MLLT3: variants seen among roughly 807,000 people sequenced by gnomAD.
MLLT3 encodes the protein MLLT3 super elongation complex subunit.
Under a neutral mutation model 53.2 loss-of-function variants are expected in MLLT3, and 4 were observed. That is an observed-to-expected ratio of 0.08 (90% CI 0.04 to 0.17). The LOEUF (loss-of-function observed/expected upper bound fraction) is 0.17. Among genes scored for constraint, MLLT3 ranks in the 10% least tolerant of loss-of-function variants. The pLI is 1.00. For synonymous variants in MLLT3, 283 were observed against 230.6 expected (o/e 1.23, Z -2.06); for missense variants, 569 against 684.0 (o/e 0.83, Z 1.87).
At chr9:20,352,889 G>A (rs1017515659) in intron 10 of MLLT3, among the ~76,000 whole-genome samples, 3 of 151,862 alleles carry the variant, frequency 2.0e-5, no homozygotes, top group African/African-American at 7.3e-5. Flanking sequence ...ATTACCAATA[G>A]CTGCTGGTAG....
intron 10 of MLLT3, among the ~76,000 whole-genome samples, chr9:20,350,636 G>C (rs1385288672): frequency 6.6e-6 from 1 of 151,964 alleles, no homozygotes; most frequent in Non-Finnish European, 1.5e-5. Flanking sequence ...GGTACATATG[G>C]GTAGTGGAAA....
At chr9:20,485,730 A>G (rs2118912919) in intron 2 of MLLT3, among the ~76,000 whole-genome samples, 1 of 104,730 alleles carries the variant, frequency 9.5e-6, no homozygotes, top group South Asian at 3.6e-4. Context: ...GAATATACAC[A>G]TACACATATA....
rs1820974823 is a variant in MLLT3, at chr9:20,620,570, G to A, written c.193+84C>T. ...GCCGGCGAGCGCGGCGCGGGGGGCG[G>A]GGAGCGGGACAGCGGGACCGCCCGG... On this transcript the variant is annotated intron_variant, in intron 2 of 10. Coordinates refer to ENST00000380338, the MANE Select transcript of MLLT3 (RefSeq NM_004529.4). This position sits in a 1 kb window ranked among gnomAD's most constrained non-coding sequence, Gnocchi z 6.1. The A allele has an allele frequency of 4.0e-6, 5 of 1,238,184 alleles. No homozygotes were observed. Among genetic ancestry groups the A allele is most frequent in the Non-Finnish European group, 2.1e-6 (2 of 933,834 alleles). The allele number at this position is 1,238,184 out of a possible 1,614,324, so 76.7% of individuals were successfully genotyped here.
At chr9:20,542,090 T>C (rs756639707) in intron 2 of MLLT3, among the ~76,000 whole-genome samples, 8 of 152,226 alleles carry the variant, frequency 5.3e-5, no homozygotes, top group Non-Finnish European at 8.8e-5. Context: ...ATTTCTTATA[T>C]AATAGTAAGT....
chr9:20,434,650 A>T (rs1331835317), intron 4 of MLLT3, among the ~76,000 whole-genome samples: 1 of 152,204 alleles, frequency 6.6e-6, no homozygotes, highest in Non-Finnish European at 1.5e-5. Flanking sequence ...AGGCTTCCTT[A>T]TACAAATTAG....
chr9:20,512,884 A>G (rs1451479802), intron 2 of MLLT3, among the ~76,000 whole-genome samples: 1 of 152,202 alleles, frequency 6.6e-6, no homozygotes, highest in East Asian at 1.9e-4. Context: ...GGCATTGCCC[A>G]TTTTGCAACA....
intron 4 of MLLT3, among the ~76,000 whole-genome samples, chr9:20,440,144 G>A (rs866615050): frequency 2.0e-5 from 3 of 152,212 alleles, no homozygotes; most frequent in South Asian, 2.1e-4. Context: ...AATCTCAAAT[G>A]GGAGAAAGGA....
At chr9:20,534,864 G>A (rs1335007043) in intron 2 of MLLT3, among the ~76,000 whole-genome samples, 2 of 151,260 alleles carry the variant, frequency 1.3e-5, no homozygotes, top group Non-Finnish European at 1.5e-5. Flanking sequence ...CTAGCCTGGG[G>A]GACAGGGCAA....
At chr9:20,403,915 C>T (rs1451581072) in intron 5 of MLLT3, among the ~76,000 whole-genome samples, 1 of 152,020 alleles carries the variant, frequency 6.6e-6, no homozygotes, top group Non-Finnish European at 1.5e-5. Context: ...ACTTACTGGG[C>T]TCAGATGATT....
intron 5 of MLLT3, among the ~76,000 whole-genome samples, chr9:20,408,332 TA>T (rs1822637449): frequency 6.6e-6 from 1 of 151,616 alleles, no homozygotes; most frequent in Admixed American, 6.6e-5. Context: ...TATGGATGAA[TA>T]AATGAACAGC....
At chr9:20,415,182 T>C (rs897316844) in intron 4 of MLLT3, among the ~76,000 whole-genome samples, 7 of 152,124 alleles carry the variant, frequency 4.6e-5, no homozygotes, top group African/African-American at 1.7e-4. Context: ...CTGTATAAAA[T>C]TTCATCAGTT....
intron 2 of MLLT3, among the ~76,000 whole-genome samples, chr9:20,512,766 C>A (rs564382724): frequency 1.3e-5 from 2 of 152,226 alleles, no homozygotes; most frequent in South Asian, 4.1e-4. Context: ...ACCATCACCA[C>A]AACTGCTTCT....
At chr9:20,486,967 C>G (rs1014240924) in intron 2 of MLLT3, among the ~76,000 whole-genome samples, 22 of 152,226 alleles carry the variant, frequency 1.4e-4, no homozygotes, top group African/African-American at 5.3e-4. Flanking sequence ...ATAATAAAAT[C>G]ACCTTAACTT....
intron 2 of MLLT3, 80 bp from the exon 3 acceptor site, chr9:20,456,866 T>TTAA: frequency 9.4e-7 from 1 of 1,067,274 alleles, no homozygotes; most frequent in Non-Finnish European, 1.4e-6. Flanking sequence ...AAAAATCCCA[T>TTAA]TCTACCATCT....
Position 20,520,185 on chromosome 9 carries a change from C to A in MLLT3, c.194-63399G>T, listed in dbSNP as rs529032112. Among the ~76,000 whole-genome samples the A allele has an allele frequency of 2.0e-5, 3 of 152,210 alleles. No homozygotes were observed. In the South Asian group the frequency reaches 6.2e-4, roughly 32 times the overall value. On this transcript the variant is annotated intron_variant, in intron 2 of 10. Transcript: ENST00000380338. ...GACACATAGAGGGGAACAACACACA[C>A]TGGGGCCTGTTGGAGGGTGGAGAGT...
intron 2 of MLLT3, among the ~76,000 whole-genome samples, chr9:20,594,385 A>G (rs1820200540): frequency 6.6e-6 from 1 of 152,148 alleles, no homozygotes; most frequent in Non-Finnish European, 1.5e-5. Context: ...AATAGGCAGG[A>G]ATATTATCAC....
intron 2 of MLLT3, among the ~76,000 whole-genome samples, chr9:20,504,356 G>GTGTGTA (rs1028579640): frequency 1.3e-5 from 2 of 151,770 alleles, no homozygotes; most frequent in African/African-American, 4.8e-5. Flanking sequence ...GGAATTGTGT[G>GTGTGTA]TGTGTGTGTG....
chr9:20,512,490 G>C (rs1817780419), intron 2 of MLLT3, among the ~76,000 whole-genome samples: 1 of 152,176 alleles, frequency 6.6e-6, no homozygotes, highest in Non-Finnish European at 1.5e-5. Flanking sequence ...TGGGGGAAGA[G>C]TCTAGCTTGT....
intron 2 of MLLT3, among the ~76,000 whole-genome samples, chr9:20,494,779 G>T (rs1442581326): frequency 1.3e-5 from 2 of 152,104 alleles, no homozygotes; most frequent in Admixed American, 6.6e-5. Context: ...AGGTGGTCCT[G>T]AGTTTGTTAT....
Sources: allele counts gnomAD v4.1 joint callset (sites outside exome capture counted in the v4.1 genomes callset), GRCh38; gene constraint gnomAD v4.1.1; non-coding constraint Gnocchi (gnomAD v3.1); transcripts MANE v1.5; gene names NCBI Gene and HGNC (gene_info 2026-07-23, HGNC 2026-07-21).